Variants in SLC26A7 observed in about 807,000 individuals in gnomAD.
The protein encoded by SLC26A7 is solute carrier family 26 member 7.
SLC26A7 carries 59 observed loss-of-function variants against 82.5 expected under a neutral mutation model. The ratio of observed to expected loss-of-function variants is 0.72; its 90% CI spans 0.58 to 0.89. SLC26A7 has a LOEUF of 0.89. Ranked by LOEUF, SLC26A7 falls within the 40% of genes least tolerant of loss-of-function variation. SLC26A7 has a pLI of 0.00. For synonymous variants in SLC26A7, 271 were observed against 274.3 expected (o/e 0.99, Z 0.12); for missense variants, 820 against 793.0 (o/e 1.03, Z -0.41).
chr8:91,279,611 C>G (rs979495298), intron 2 of SLC26A7, among the ~76,000 whole-genome samples: 3 of 152,102 alleles, frequency 2.0e-5, no homozygotes, highest in Non-Finnish European at 4.4e-5. Context: ...CCAGGCTGGA[C>G]TGCAGTGGTG....
intron 5 of SLC26A7, among the ~76,000 whole-genome samples, chr8:91,322,690 G>T (rs1347681767): frequency 6.6e-6 from 1 of 152,122 alleles, no homozygotes; most frequent in African/African-American, 2.4e-5. Flanking sequence ...ATTTGGCAAG[G>T]ATACTTTCAT....
At chr8:91,233,287 C>G (rs1810333949) in intron 2 of SLC26A7, among the ~76,000 whole-genome samples, 1 of 152,114 alleles carries the variant, frequency 6.6e-6, no homozygotes, top group Non-Finnish European at 1.5e-5. Context: ...GGGAGAGGGG[C>G]AGGGCGCAGT....
chr8:91,212,641 G>T (rs985790833), intron 1 of SLC26A7, among the ~76,000 whole-genome samples: 3 of 152,060 alleles, frequency 2.0e-5, no homozygotes, highest in Non-Finnish European at 2.9e-5. Flanking sequence ...AGTTATTACT[G>T]TTAAGATACC....
At chr8:91,337,116 T>A (rs1385322279) in intron 6 of SLC26A7, among the ~76,000 whole-genome samples, 2 of 151,906 alleles carry the variant, frequency 1.3e-5, no homozygotes, top group Admixed American at 6.6e-5. Flanking sequence ...TCTTTTTCTT[T>A]AAGTCTTCAG....
chr8:91,390,342 C>T (rs981704799), intron 16 of SLC26A7, among the ~76,000 whole-genome samples: 2 of 152,168 alleles, frequency 1.3e-5, no homozygotes, highest in Non-Finnish European at 2.9e-5. Flanking sequence ...TGGTCTCCAT[C>T]TCCTGACCTC....
intron 2 of SLC26A7, among the ~76,000 whole-genome samples, chr8:91,284,696 TA>T (rs1172384964): frequency 7.2e-5 from 11 of 152,332 alleles, no homozygotes; most frequent in Admixed American, 3.9e-4. Context: ...AGCAGTTCCT[TA>T]AAAGACTATC....
At chr8:91,300,933 G>A (rs1343282877) in intron 4 of SLC26A7, among the ~76,000 whole-genome samples, 2 of 149,868 alleles carry the variant, frequency 1.3e-5, no homozygotes, top group Non-Finnish European at 3.0e-5. Flanking sequence ...GTCCTATTTT[G>A]TGTTTTTAAT....
chr8:91,378,731 C>T (rs1814588363), intron 15 of SLC26A7, among the ~76,000 whole-genome samples: 1 of 151,636 alleles, frequency 6.6e-6, no homozygotes, highest in Admixed American at 6.6e-5. Context: ...CAAGTTTCAA[C>T]ACATTTCAAA....
intron 5 of SLC26A7, among the ~76,000 whole-genome samples, chr8:91,318,688 A>G (rs989078262): frequency 1.3e-5 from 2 of 152,138 alleles, no homozygotes; most frequent in Admixed American, 1.3e-4. Flanking sequence ...GAAGTCATCC[A>G]CTGGGATTAT....
chr8:91,345,851 A>T (rs1813547387), intron 9 of SLC26A7, among the ~76,000 whole-genome samples: 1 of 152,178 alleles, frequency 6.6e-6, no homozygotes, highest in Non-Finnish European at 1.5e-5. Flanking sequence ...TCATCTTTGT[A>T]ACCTTTAATA....
intron 2 of SLC26A7, among the ~76,000 whole-genome samples, chr8:91,235,966 C>G (rs1166860146): frequency 6.6e-6 from 1 of 152,104 alleles, no homozygotes; most frequent in African/African-American, 2.4e-5. Flanking sequence ...ACAAAAGCTG[C>G]CCTATTCATT....
At chr8:91,314,283 G>A (rs1375645426) in intron 4 of SLC26A7, among the ~76,000 whole-genome samples, 3 of 152,102 alleles carry the variant, frequency 2.0e-5, no homozygotes, top group South Asian at 2.1e-4. Context: ...GGGTCTCCAA[G>A]CACAATATTC....
chr8:91,285,814 A>G (rs1361653034), intron 2 of SLC26A7, among the ~76,000 whole-genome samples: 6 of 152,200 alleles, frequency 3.9e-5, no homozygotes, highest in South Asian at 4.1e-4. Context: ...ATAAAAAGGT[A>G]AGGCTGCTAG....
rs1563662006 is a variant in SLC26A7, at chr8:91,289,235, A to G, written c.293A>G (p.His98Arg). ...TATGCCATATTTGGAATGGGACATC[A>G]TGTTGCCACAGGTAATAATTCCTAT... Reference protein sequence around the residue: ...IIYAIFGMGHHVATGTFALTS... With the variant: ...IIYAIFGMGHRVATGTFALTS... The change falls in exon 3 of 19, where the codon CAT becomes CGT. Residue 98 changes from histidine to arginine, a missense_variant. Coordinates refer to ENST00000276609, the MANE Select transcript of SLC26A7 (RefSeq NM_052832.4). The G allele has an allele frequency of 1.9e-6, 3 of 1,610,200 alleles. No individual in the cohort carries two copies. The highest frequency in any genetic ancestry group is 4.5e-5 in the East Asian group (2 of 44,822).
At chr8:91,390,876 C>A (rs1375519766) in intron 16 of SLC26A7, among the ~76,000 whole-genome samples, 2 of 152,150 alleles carry the variant, frequency 1.3e-5, no homozygotes, top group African/African-American at 4.8e-5. Flanking sequence ...ACTCAGCCAC[C>A]CTGTGCTGCC....
intron 2 of SLC26A7, among the ~76,000 whole-genome samples, chr8:91,254,099 T>A (rs1463895205): frequency 6.6e-6 from 1 of 152,114 alleles, no homozygotes; most frequent in Non-Finnish European, 1.5e-5. Flanking sequence ...TCCTGACAAA[T>A]CTGGTAAAAG....
chr8:91,308,090 C>T (rs1812372895), intron 4 of SLC26A7, among the ~76,000 whole-genome samples: 1 of 152,070 alleles, frequency 6.6e-6, no homozygotes, highest in Non-Finnish European at 1.5e-5. Flanking sequence ...CTTCAGTTTC[C>T]TTATTACTGA....
intron 5 of SLC26A7, among the ~76,000 whole-genome samples, chr8:91,327,914 T>C (rs2130821579): frequency 6.6e-6 from 1 of 152,244 alleles, no homozygotes; most frequent in Admixed American, 6.5e-5. Context: ...AAAGATGTAT[T>C]CATCATTACT....
chr8:91,295,544 G>A lies in SLC26A7; in HGVS notation c.318G>A (p.Leu106=). The A allele has an allele frequency of 6.2e-7, 1 of 1,612,502 alleles. No homozygotes were observed. The highest frequency in any genetic ancestry group is 8.5e-7 in the Non-Finnish European group (1 of 1,179,218). ...GHHVATGTFA[L]TSLISANAVE... ...ACTTGGTTTCAGGCACCTTTGCCTT[G>A]ACATCCTTAATATCAGCCAACGCCG... Residue 106 remains leucine (L), a synonymous_variant, in exon 4 of 19, where the codon TTG becomes TTA. Coordinates refer to ENST00000276609, the MANE Select transcript of SLC26A7 (RefSeq NM_052832.4).
Sources: allele counts gnomAD v4.1 joint callset (sites outside exome capture counted in the v4.1 genomes callset), GRCh38; gene constraint gnomAD v4.1.1; transcripts MANE v1.5; gene names NCBI Gene and HGNC (gene_info 2026-07-23, HGNC 2026-07-21).